The following GALNT13 variants were observed in gnomAD, a reference collection of about 807,000 sequenced individuals.
GALNT13 encodes the protein UDP-GalNAc:polypeptide N-acetylgalactosaminyltransferase 13.
GALNT13 carries 28 observed loss-of-function variants against 64.2 expected under a neutral mutation model. The ratio of observed to expected loss-of-function variants is 0.44; its 90% CI spans 0.32 to 0.60. The LOEUF (loss-of-function observed/expected upper bound fraction) is 0.60, where lower values mean the gene tolerates loss of function less well. GALNT13 is among the 20% of genes least tolerant of loss of function. GALNT13 has a pLI of 0.05. For synonymous variants in GALNT13, 214 were observed against 224.6 expected (o/e 0.95, Z 0.42); for missense variants, 577 against 669.8 (o/e 0.86, Z 1.53).
At chr2:154,328,365 C>T (rs888721949) in intron 9 of GALNT13, among the ~76,000 whole-genome samples, 2 of 152,104 alleles carry the variant, frequency 1.3e-5, no homozygotes, top group African/African-American at 4.8e-5. Context: ...CTCATCCACA[C>T]TGATTCATTT....
intron 3 of GALNT13, among the ~76,000 whole-genome samples, chr2:154,059,824 G>C (rs1407588378): frequency 6.6e-6 from 1 of 152,086 alleles, no homozygotes; most frequent in African/African-American, 2.4e-5. Flanking sequence ...CACTCAAAAA[G>C]AGTGACTAAG....
intron 1 of GALNT13, among the ~76,000 whole-genome samples, chr2:153,895,406 T>G (rs1687822089): frequency 1.3e-5 from 2 of 152,184 alleles, no homozygotes; most frequent in Admixed American, 1.3e-4. Flanking sequence ...TGAATAATTA[T>G]TTTACTAAAG....
the GALNT13 span, among the ~76,000 whole-genome samples, chr2:153,645,453 C>A: frequency 6.6e-6 from 1 of 151,760 alleles, no homozygotes. Context: ...TTTTCCAGTT[C>A]TGACAAAATT....
In GALNT13 at chr2:154,452,051, T is replaced by C. The variant is rs1206549418; in HGVS notation, c.*1500T>C. 1 of 152,152 alleles carries C rather than the reference T, an allele frequency of 6.6e-6. No homozygotes were observed. The highest frequency in any genetic ancestry group is 2.4e-5 in the African/African-American group (1 of 41,450). 9.4% of individuals were successfully genotyped at this position (152,152 alleles called of 1,614,324 possible). The stretch of plus-strand genomic sequence containing the variant: ...AATGAGGACACTTTCTGATGGTCAG[T>C]AAAATCTTAAATGATTTTTGCCACT... On this transcript the variant is annotated 3_prime_UTR_variant, in exon 13 of 13. Transcript: ENST00000392825.
At chr2:154,110,235 G>T (rs1702859358) in intron 3 of GALNT13, among the ~76,000 whole-genome samples, 1 of 131,892 alleles carries the variant, frequency 7.6e-6, no homozygotes, top group Admixed American at 8.2e-5. Flanking sequence ...TGGGGGAGCA[G>T]GTGTGGACTA....
chr2:153,412,302 C>A, the GALNT13 span, among the ~76,000 whole-genome samples: 1 of 152,160 alleles, frequency 6.6e-6, no homozygotes. Context: ...TCACCTCCGT[C>A]ACTTACTAGC....
At chr2:154,174,548 A>G (rs893482847) in intron 4 of GALNT13, among the ~76,000 whole-genome samples, 2 of 152,174 alleles carry the variant, frequency 1.3e-5, no homozygotes, top group East Asian at 1.9e-4. Flanking sequence ...AAAAGTGAAC[A>G]TTAACTTGTA....
At chr2:153,725,456 T>A in the GALNT13 span, among the ~76,000 whole-genome samples, 2 of 147,838 alleles carry the variant, frequency 1.4e-5, no homozygotes, top group South Asian at 2.2e-4. Context: ...TAAAGTATAA[T>A]TAAAAAAAAA....
the GALNT13 span, among the ~76,000 whole-genome samples, chr2:153,355,312 A>G: frequency 6.6e-6 from 1 of 152,208 alleles, no homozygotes; most frequent in East Asian, 1.9e-4. Flanking sequence ...AAGAGATGTT[A>G]TGAATAAATG....
the GALNT13 span, among the ~76,000 whole-genome samples, chr2:153,260,877 A>C: frequency 6.6e-6 from 1 of 151,860 alleles, no homozygotes; most frequent in South Asian, 2.1e-4. Flanking sequence ...GGTGAGCTTC[A>C]TTCTTTTTTA....
At chr2:153,479,152 G>A in the GALNT13 span, among the ~76,000 whole-genome samples, 1 of 152,162 alleles carries the variant, frequency 6.6e-6, no homozygotes, top group African/African-American at 2.4e-5. Context: ...TTTGCCTGCT[G>A]CCCCCCTGAC....
the GALNT13 span, among the ~76,000 whole-genome samples, chr2:153,491,579 C>T: frequency 6.6e-6 from 1 of 150,526 alleles, no homozygotes; most frequent in Non-Finnish European, 1.5e-5. Flanking sequence ...CTCAGAAACA[C>T]ACCTAAACCA....
At chr2:153,606,865 G>GTTT in the GALNT13 span, among the ~76,000 whole-genome samples, 4 of 122,934 alleles carry the variant, frequency 3.3e-5, no homozygotes, top group African/African-American at 3.0e-5. Context: ...ATGTCGTCAG[G>GTTT]TTTTTTTTTT....
At chr2:153,335,609 A>G in the GALNT13 span, among the ~76,000 whole-genome samples, 2 of 152,224 alleles carry the variant, frequency 1.3e-5, no homozygotes, top group Admixed American at 6.5e-5. Context: ...TCAAGAGGTG[A>G]CTTGTATGCT....
chr2:154,173,762 G>T (rs1370076882), intron 4 of GALNT13, among the ~76,000 whole-genome samples: 1 of 151,928 alleles, frequency 6.6e-6, no homozygotes, highest in Non-Finnish European at 1.5e-5. Flanking sequence ...CATACAAAAG[G>T]CCCTCAAGTA....
At chr2:153,288,913 T>A in the GALNT13 span, among the ~76,000 whole-genome samples, 1 of 152,200 alleles carries the variant, frequency 6.6e-6, no homozygotes, top group Non-Finnish European at 1.5e-5. Context: ...TATAAATAGC[T>A]ACATATAAAA....
chr2:153,534,856 C>CT, the GALNT13 span, among the ~76,000 whole-genome samples: 1 of 152,132 alleles, frequency 6.6e-6, no homozygotes, highest in East Asian at 1.9e-4. Context: ...ATATGCACTT[C>CT]TTTTGTGATT....
At chr2:153,998,936 G>C (rs1695708923) in intron 3 of GALNT13, among the ~76,000 whole-genome samples, 1 of 152,024 alleles carries the variant, frequency 6.6e-6, no homozygotes, top group African/African-American at 2.4e-5. Flanking sequence ...CCATGCTCAT[G>C]GATAGGAAGA....
chr2:154,012,409 G>T (rs1176344665), intron 3 of GALNT13, among the ~76,000 whole-genome samples: 3 of 152,194 alleles, frequency 2.0e-5, no homozygotes, highest in Middle Eastern at 3.4e-3. Context: ...ATCTTTTCTG[G>T]TTTGAAGGGT....
Sources: gnomAD v4.1 joint callset for allele counts (sites outside exome capture counted in the v4.1 genomes callset) on GRCh38, gnomAD v4.1.1 for gene constraint, MANE v1.5 for transcripts, NCBI Gene and HGNC (gene_info 2026-07-23, HGNC 2026-07-21) for gene names.